HS3ST4: variants seen among roughly 807,000 people sequenced by gnomAD.
The protein encoded by HS3ST4 is heparan sulfate glucosamine 3-O-sulfotransferase 4.
Under a neutral mutation model 29.2 loss-of-function variants are expected in HS3ST4, and 17 were observed. That is an observed-to-expected ratio of 0.58 (90% CI 0.40 to 0.87). The LOEUF (loss-of-function observed/expected upper bound fraction) is 0.87, where lower values mean the gene tolerates loss of function less well. HS3ST4 is among the 40% of genes least tolerant of loss of function. The probability of loss-of-function intolerance (pLI) is 0.00; values close to 1 mark genes in which losing one functional copy is unlikely to be tolerated. For missense variants in HS3ST4, 627 were observed against 634.5 expected (o/e 0.99, Z 0.13); for synonymous variants, 314 against 285.7 (o/e 1.10, Z -1.00).
At chr16:25,863,949 G>C (rs962599567) in intron 1 of HS3ST4, among the ~76,000 whole-genome samples, 1 of 152,238 alleles carries the variant, frequency 6.6e-6, no homozygotes, top group African/African-American at 2.4e-5. Flanking sequence ...GTGTCGGCAG[G>C]TTTGGTTGGT....
chr16:26,123,292 C>T (rs1211927353), intron 1 of HS3ST4, among the ~76,000 whole-genome samples: 2 of 152,104 alleles, frequency 1.3e-5, no homozygotes, highest in African/African-American at 2.4e-5. Flanking sequence ...ATGAGTTGCT[C>T]AAAGCAAGTA....
intron 1 of HS3ST4, among the ~76,000 whole-genome samples, chr16:25,898,051 A>G (rs1968088157): frequency 6.6e-6 from 1 of 152,198 alleles, no homozygotes; most frequent in Non-Finnish European, 1.5e-5. Context: ...TGGGACTCAG[A>G]CAGCTTCAAG....
intron 1 of HS3ST4, among the ~76,000 whole-genome samples, chr16:25,777,797 C>CA (rs1371299663): frequency 6.6e-6 from 1 of 151,934 alleles, no homozygotes; most frequent in East Asian, 1.9e-4. Context: ...ATCGAAACAG[C>CA]AAAAAAAGAA....
At chr16:25,921,142 C>T (rs1460340251) in intron 1 of HS3ST4, among the ~76,000 whole-genome samples, 1 of 152,150 alleles carries the variant, frequency 6.6e-6, no homozygotes, top group Non-Finnish European at 1.5e-5. Flanking sequence ...ACTACCTTGT[C>T]TGTAGTGCCC....
At chr16:25,765,425 A>G (rs1966812026) in intron 1 of HS3ST4, among the ~76,000 whole-genome samples, 4 of 152,182 alleles carry the variant, frequency 2.6e-5, no homozygotes, top group African/African-American at 7.2e-5. Context: ...TCAAGGGCCA[A>G]TTCAGAATGG....
intron 1 of HS3ST4, among the ~76,000 whole-genome samples, chr16:26,129,099 C>T (rs1024469565): frequency 4.6e-5 from 7 of 152,122 alleles, no homozygotes; most frequent in South Asian, 2.1e-4. Flanking sequence ...CTTTCTCCTT[C>T]GACATTCATG....
intron 1 of HS3ST4, among the ~76,000 whole-genome samples, chr16:25,912,605 T>C (rs984569893): frequency 4.6e-5 from 7 of 152,196 alleles, no homozygotes; most frequent in African/African-American, 1.7e-4. Flanking sequence ...CAGGTCTACT[T>C]TCTTTATCAC....
intron 1 of HS3ST4, among the ~76,000 whole-genome samples, chr16:25,788,365 A>C (rs1163732053): frequency 6.6e-6 from 1 of 150,566 alleles, no homozygotes; most frequent in African/African-American, 2.4e-5. Context: ...CAGTGAGTCA[A>C]GGTTGTGCCA....
Position 26,089,110 on chromosome 16 carries a change from C to G in HS3ST4, c.735-46502C>G, listed in dbSNP as rs111604567. ...ACACATGCAAGTGTATGCCTAACAG[C>G]AATTTCTCTGATCAAGTGTCACGTG... is the stretch of plus-strand genomic sequence containing the variant. On this transcript the variant is annotated intron_variant, in intron 1 of 1. Coordinates refer to ENST00000331351, the MANE Select transcript of HS3ST4 (RefSeq NM_006040.3). 5.3e-3 allele frequency among the ~76,000 whole-genome samples: 805 copies of G among 152,304 alleles called. 6 individuals are homozygous for G. Among genetic ancestry groups the G allele is most frequent in the Non-Finnish European group, 9.3e-3 (636 of 68,032 alleles).
intron 1 of HS3ST4, among the ~76,000 whole-genome samples, chr16:25,711,190 A>G (rs547431964): frequency 9.4e-4 from 143 of 152,140 alleles, no homozygotes; most frequent in Admixed American, 1.7e-3. Flanking sequence ...GGCGATGTCT[A>G]CTTACTGTCG....
In HS3ST4 at chr16:25,890,902, C is replaced by T. The variant is rs895576180; in HGVS notation, c.734+197751C>T. On this transcript the variant is annotated intron_variant, in intron 1 of 1. Transcript: ENST00000331351. ...CTCTCAAATGAAGAAGGCGGATCAG[C>T]TCCATTTCTGAGCCATGATTGGGTC... Among the ~76,000 whole-genome samples the T allele has an allele frequency of 5.3e-5, 8 of 152,264 alleles. No homozygotes were observed. In the South Asian group the frequency reaches 6.2e-4, roughly 12 times the overall value.
chr16:26,093,393 G>A (rs956277662), intron 1 of HS3ST4, among the ~76,000 whole-genome samples: 3 of 152,184 alleles, frequency 2.0e-5, no homozygotes, highest in Admixed American at 6.5e-5. Context: ...GCTTCCAGAG[G>A]AAGGATGAGG....
chr16:25,857,899 T>C lies in HS3ST4; in HGVS notation c.734+164748T>C, dbSNP rs754559280. On this transcript the variant is annotated intron_variant, in intron 1 of 1. Transcript: ENST00000331351. ...TTCTCTTTCTTTCTTTCTTTTTCTT[T>C]CTTCCTTCCTTCCTTCCTTCCTTTC... is the stretch of plus-strand genomic sequence containing the variant. 3.2e-3 allele frequency among the ~76,000 whole-genome samples: 304 copies of C among 93,702 alleles called. 1 individual carries two copies. The highest frequency in any genetic ancestry group is 8.9e-3 in the African/African-American group (224 of 25,296). 61.5% of individuals were successfully genotyped at this position (93,702 alleles called of 152,430 possible).
intron 1 of HS3ST4, among the ~76,000 whole-genome samples, chr16:25,923,527 T>A (rs1315099722): frequency 1.3e-5 from 2 of 152,172 alleles, no homozygotes; most frequent in Admixed American, 6.5e-5. Flanking sequence ...GTGACTAAAT[T>A]AGCTTTTTTT....
chr16:25,854,149 C>T (rs1225510517), intron 1 of HS3ST4, among the ~76,000 whole-genome samples: 1 of 151,652 alleles, frequency 6.6e-6, no homozygotes, highest in Non-Finnish European at 1.5e-5. Context: ...GTCTTTGTTG[C>T]CAAGGTTGGA....
At chr16:26,020,694 A>C (rs1038369212) in intron 1 of HS3ST4, among the ~76,000 whole-genome samples, 5 of 152,228 alleles carry the variant, frequency 3.3e-5, no homozygotes, top group African/African-American at 1.2e-4. Flanking sequence ...AACCAGCAAC[A>C]TCAGCATCAC....
At chr16:26,133,478 C>A (rs1899445937) in intron 1 of HS3ST4, among the ~76,000 whole-genome samples, 1 of 152,186 alleles carries the variant, frequency 6.6e-6, no homozygotes, top group Non-Finnish European at 1.5e-5. Context: ...AACAGACACA[C>A]ACAAAGGCAT....
At chr16:25,874,126 T>C (rs149663775) in intron 1 of HS3ST4, among the ~76,000 whole-genome samples, 1 of 152,276 alleles carries the variant, frequency 6.6e-6, no homozygotes, top group African/African-American at 2.4e-5. Flanking sequence ...ACTAAGGGCA[T>C]ATTGTCTAAT....
intron 1 of HS3ST4, among the ~76,000 whole-genome samples, chr16:26,064,914 G>A (rs1053022068): frequency 3.9e-5 from 6 of 152,150 alleles, no homozygotes; most frequent in Non-Finnish European, 7.4e-5. Context: ...ACCGTGCCCA[G>A]CAGGATTGTA....
Sources: gnomAD v4.1 joint callset for allele counts (sites outside exome capture counted in the v4.1 genomes callset) on GRCh38, gnomAD v4.1.1 for gene constraint, MANE v1.5 for transcripts, NCBI Gene and HGNC (gene_info 2026-07-23, HGNC 2026-07-21) for gene names.